UXS1: variants seen among roughly 807,000 people sequenced by gnomAD.
UXS1 encodes the protein UDP-glucuronic acid decarboxylase 1.
UXS1 carries 33 observed loss-of-function variants against 62.6 expected under a neutral mutation model. The observed-to-expected ratio is 0.53, with a 90% CI of 0.40 to 0.70. The LOEUF is 0.70. UXS1 is among the 30% of genes least tolerant of loss of function. UXS1 has a pLI of 0.00. For missense variants in UXS1, 434 were observed against 556.3 expected (o/e 0.78, Z 2.21); for synonymous variants, 213 against 206.8 (o/e 1.03, Z -0.26).
intron 10 of UXS1, among the ~76,000 whole-genome samples, chr2:106,111,393 C>T (rs1210166715): frequency 6.6e-6 from 1 of 152,188 alleles, no homozygotes; most frequent in Non-Finnish European, 1.5e-5. Context: ...GGACTCACCT[C>T]TCCCCAGGAA....
intron 10 of UXS1, among the ~76,000 whole-genome samples, chr2:106,107,524 T>C (rs1678186948): frequency 6.6e-6 from 1 of 152,130 alleles, no homozygotes; most frequent in Non-Finnish European, 1.5e-5. Context: ...CCGACCGGGA[T>C]GGGTTAACTA....
intron 9 of UXS1, among the ~76,000 whole-genome samples, chr2:106,122,228 T>C (rs1217902760): frequency 1.3e-5 from 2 of 152,238 alleles, no homozygotes; most frequent in Non-Finnish European, 2.9e-5. Flanking sequence ...TTCATGAGGA[T>C]GTGAAAATTC....
intron 1 of UXS1, among the ~76,000 whole-genome samples, chr2:106,177,773 A>C (rs1482532001): frequency 6.6e-6 from 1 of 152,134 alleles, no homozygotes; most frequent in African/African-American, 2.4e-5. Context: ...GTGGGAAATA[A>C]ATTTCTGTTG....
At chr2:106,145,136 T>C in intron 6 of UXS1, 54 bp downstream of exon 6, 1 of 1,568,412 alleles carries the variant, frequency 6.4e-7, no homozygotes. Flanking sequence ...CCCGCAGCTC[T>C]GGCAAGGCCA....
chr2:106,109,458 A>G (rs1317004617), intron 10 of UXS1, among the ~76,000 whole-genome samples: 1 of 152,194 alleles, frequency 6.6e-6, no homozygotes, highest in Non-Finnish European at 1.5e-5. Context: ...CACTGGATTC[A>G]AACCCCAATT....
chr2:106,141,744 C>T (rs1363718276), intron 6 of UXS1, among the ~76,000 whole-genome samples: 2 of 152,138 alleles, frequency 1.3e-5, no homozygotes, highest in East Asian at 1.9e-4. Flanking sequence ...CCACTGTGCC[C>T]GGCCATCTTT....
chr2:106,189,144 GA>G (rs1684763640), intron 1 of UXS1, among the ~76,000 whole-genome samples: 2 of 152,150 alleles, frequency 1.3e-5, no homozygotes, highest in Non-Finnish European at 2.9e-5. Flanking sequence ...TGGGAGGGGA[GA>G]AAATCACCAA....
chr2:106,160,261 C>T (rs554381413), intron 4 of UXS1: 1 of 152,420 alleles, frequency 6.6e-6, no homozygotes, highest in South Asian at 2.1e-4. Context: ...GTCCTCATTT[C>T]TCTGAGCTCA....
chr2:106,182,706 C>G (rs1243535588), intron 1 of UXS1, among the ~76,000 whole-genome samples: 1 of 151,998 alleles, frequency 6.6e-6, no homozygotes, highest in African/African-American at 2.4e-5. Context: ...GCCTCAGTTT[C>G]CCCACCTATG....
At chr2:106,114,402 G>C (rs1249835893) in intron 9 of UXS1, among the ~76,000 whole-genome samples, 6 of 152,154 alleles carry the variant, frequency 3.9e-5, no homozygotes. Flanking sequence ...TATTAAAAAG[G>C]GTGGGGAGCA....
intron 5 of UXS1, among the ~76,000 whole-genome samples, chr2:106,152,547 A>AGG (rs149831954): frequency 5.1e-4 from 74 of 146,208 alleles, no homozygotes; most frequent in Non-Finnish European, 7.8e-4. Context: ...AGAGAGAGAG[A>AGG]AAGGGAGAAA....
intron 10 of UXS1, among the ~76,000 whole-genome samples, chr2:106,111,967 CA>C (rs1678651984): frequency 6.6e-6 from 1 of 152,200 alleles, no homozygotes; most frequent in South Asian, 2.1e-4. Flanking sequence ...TTAGCAAAAC[CA>C]AAGATGCCGG....
intron 8 of UXS1, among the ~76,000 whole-genome samples, chr2:106,124,658 G>A (rs1314806702): frequency 6.6e-6 from 1 of 152,158 alleles, no homozygotes; most frequent in Non-Finnish European, 1.5e-5. Flanking sequence ...GAAGCAGGAT[G>A]GCTGTGGGAA....
chr2:106,182,891 G>T (rs1196484376), intron 1 of UXS1, among the ~76,000 whole-genome samples: 3 of 152,110 alleles, frequency 2.0e-5, no homozygotes, highest in Non-Finnish European at 4.4e-5. Flanking sequence ...TGGGATAGTG[G>T]GGTCCTCTCA....
chr2:106,187,549 A>G (rs1020377750), intron 1 of UXS1, among the ~76,000 whole-genome samples: 1 of 152,112 alleles, frequency 6.6e-6, no homozygotes, highest in African/African-American at 2.4e-5. Flanking sequence ...TTTGAAGTCT[A>G]TTACCATAAA....
At chr2:106,112,601 C>T (rs575675779) in intron 10 of UXS1, 45 bp downstream of exon 10, 12 of 1,606,386 alleles carry the variant, frequency 7.5e-6, no homozygotes, top group Admixed American at 1.7e-5. Flanking sequence ...GAGCTGACTT[C>T]GATTTGGGTT....
intron 13 of UXS1, among the ~76,000 whole-genome samples, 185 bp downstream of exon 13, chr2:106,098,531 A>G (rs1363006174): frequency 6.6e-6 from 1 of 152,178 alleles, no homozygotes; most frequent in Non-Finnish European, 1.5e-5. Flanking sequence ...GGAGAAACCA[A>G]TCCTGCCCTC....
chr2:106,175,292 T>C (rs1683809732), intron 1 of UXS1, among the ~76,000 whole-genome samples: 1 of 152,232 alleles, frequency 6.6e-6, no homozygotes, highest in East Asian at 1.9e-4. Context: ...CTGGACTGTT[T>C]GCTGTTCCTC....
At chr2:106,141,724 C>G (rs541246417) in intron 6 of UXS1, among the ~76,000 whole-genome samples, 1 of 151,946 alleles carries the variant, frequency 6.6e-6, no homozygotes, top group African/African-American at 2.4e-5. Flanking sequence ...ACTGGGATTA[C>G]AGACATGATC....
Sources: gnomAD v4.1 joint callset for allele counts (sites outside exome capture counted in the v4.1 genomes callset) on GRCh38, gnomAD v4.1.1 for gene constraint, MANE v1.5 for transcripts, NCBI Gene and HGNC (gene_info 2026-07-23, HGNC 2026-07-21) for gene names.